The following PREX1 variants were observed in gnomAD, a reference collection of about 807,000 sequenced individuals.
PREX1 encodes phosphatidylinositol-3,4,5-trisphosphate dependent Rac exchange factor 1, also known as phosphatidylinositol 3,4,5-trisphosphate-dependent Rac exchanger 1 protein.
PREX1 carries 41 observed loss-of-function variants against 198.3 expected under a neutral mutation model. The ratio of observed to expected loss-of-function variants is 0.21; its 90% CI spans 0.16 to 0.27. The LOEUF (loss-of-function observed/expected upper bound fraction) is 0.27, where lower values mean the gene tolerates loss of function less well. PREX1 is among the 10% of genes least tolerant of loss of function. The probability of loss-of-function intolerance (pLI) is 1.00; values close to 1 mark genes in which losing one functional copy is unlikely to be tolerated. For missense variants in PREX1, 1,620 were observed against 2,200.7 expected, an observed-to-expected ratio of 0.74 and a Z score of 5.28; for synonymous variants, 843 against 887.2, an observed-to-expected ratio of 0.95 and a Z score of 0.89.
intron 37 of PREX1, 127 bp downstream of exon 37, chr20:48,629,322 G>C (rs926182873): frequency 1.2e-5 from 15 of 1,280,222 alleles, no homozygotes; most frequent in Non-Finnish European, 1.6e-5. Flanking sequence ...CAGAGCCAAG[G>C]CTCTACAGGC....
the PREX1 span, among the ~76,000 whole-genome samples, chr20:48,878,287 G>A: frequency 6.6e-6 from 1 of 152,082 alleles, no homozygotes; most frequent in African/African-American, 2.4e-5. Flanking sequence ...CATTTTCTTT[G>A]CTAATAAAAT....
At chr20:48,725,935 C>T (rs1324021104) in intron 5 of PREX1, among the ~76,000 whole-genome samples, 1 of 152,222 alleles carries the variant, frequency 6.6e-6, no homozygotes, top group Non-Finnish European at 1.5e-5. Context: ...AAGCGCATGA[C>T]TCAGGCCCAA....
the PREX1 span, among the ~76,000 whole-genome samples, chr20:48,887,668 C>T: frequency 5.3e-5 from 8 of 150,448 alleles, no homozygotes; most frequent in Non-Finnish European, 7.4e-5. Context: ...TGTTGTTTGC[C>T]GGGTGCGGTG....
At chr20:48,631,883 A>G (rs962720475) in intron 35 of PREX1, among the ~76,000 whole-genome samples, 2 of 152,024 alleles carry the variant, frequency 1.3e-5, no homozygotes, top group African/African-American at 4.8e-5. Context: ...AGACCCTGGG[A>G]GCCGCACCCC....
At chr20:48,787,555 T>C (rs1029220057) in intron 1 of PREX1, among the ~76,000 whole-genome samples, 97 of 150,954 alleles carry the variant, frequency 6.4e-4, no homozygotes, top group African/African-American at 2.3e-3. Context: ...GCTCCCCACA[T>C]TATGGATTTA....
Position 48,684,049 on chromosome 20 carries a change from T to A in PREX1, c.1335-2714A>T, listed in dbSNP as rs887193906. Among the ~76,000 whole-genome samples the A allele has an allele frequency of 3.3e-5, 5 of 152,044 alleles. No individual in the cohort carries two copies. Among genetic ancestry groups the A allele is most frequent in the African/African-American group, 4.8e-5 (2 of 41,382 alleles). On this transcript the variant is annotated intron_variant, in intron 10 of 39. Transcript: ENST00000371941. This position sits in a 1 kb window ranked among gnomAD's most constrained non-coding sequence, Gnocchi z 4.2. ...AGCTGGAGATACAAGGAGAAGGCAA[T>A]CTAGCTTGATGGGCAGTCTGAGAGT...
intron 1 of PREX1, among the ~76,000 whole-genome samples, chr20:48,773,266 CAAAAAA>C (rs55740822): frequency 1.1e-4 from 7 of 65,910 alleles, no homozygotes; most frequent in Non-Finnish European, 1.6e-4. Context: ...GACTTGGTCT[CAAAAAA>C]AAAAAAAAAA....
At chr20:48,709,175 G>T (rs1020844081) in intron 5 of PREX1, among the ~76,000 whole-genome samples, 1 of 152,162 alleles carries the variant, frequency 6.6e-6, no homozygotes, top group South Asian at 2.1e-4. Context: ...GAGATATCAA[G>T]GAAGATTTTT....
chr20:48,718,483 C>T (rs2089971946), intron 5 of PREX1, among the ~76,000 whole-genome samples: 1 of 151,850 alleles, frequency 6.6e-6, no homozygotes. Flanking sequence ...GACGCAAAAG[C>T]ATCAAAAAAA....
chr20:48,753,828 G>A (rs2090144953), intron 1 of PREX1, among the ~76,000 whole-genome samples: 1 of 152,110 alleles, frequency 6.6e-6, no homozygotes. Context: ...GCCACCCCTG[G>A]ACCCATATAA....
chr20:48,812,522 TA>T (rs1164598015), intron 1 of PREX1, among the ~76,000 whole-genome samples: 6 of 151,700 alleles, frequency 4.0e-5, no homozygotes, highest in Non-Finnish European at 7.4e-5. Flanking sequence ...AATGGGTAAA[TA>T]ATAATTTTAC....
intron 1 of PREX1, among the ~76,000 whole-genome samples, chr20:48,781,613 T>TA (rs1316666851): frequency 1.3e-5 from 2 of 151,864 alleles, no homozygotes; most frequent in Non-Finnish European, 2.9e-5. Flanking sequence ...CTCATCCCCC[T>TA]AATTTGTTTT....
At chr20:48,681,083 GGGCATCCAT>G in intron 11 of PREX1, 143 bp downstream of exon 11, 2 of 712,218 alleles carry the variant, frequency 2.8e-6, no homozygotes, top group Non-Finnish European at 4.8e-6. Flanking sequence ...AGTTTTACAA[GGGCATCCAT>G]GTTCCTGCGG....
At chr20:48,855,959 C>T in the PREX1 span, among the ~76,000 whole-genome samples, 2 of 152,088 alleles carry the variant, frequency 1.3e-5, no homozygotes, top group Non-Finnish European at 2.9e-5. Context: ...CAAAAAATGC[C>T]ATGAAGAAAA....
intron 33 of PREX1, among the ~76,000 whole-genome samples, chr20:48,633,521 A>T (rs1309458799): frequency 6.6e-6 from 1 of 152,226 alleles, no homozygotes; most frequent in African/African-American, 2.4e-5. Flanking sequence ...CTGGTTCCTA[A>T]TTAAACCCAC....
intron 1 of PREX1, among the ~76,000 whole-genome samples, chr20:48,777,314 G>A (rs562539767): frequency 4.6e-5 from 7 of 152,044 alleles, no homozygotes; most frequent in African/African-American, 1.2e-4. Context: ...AGGAGCCCCC[G>A]GCCACACACC....
intron 3 of PREX1, among the ~76,000 whole-genome samples, chr20:48,735,204 G>A (rs572604258): frequency 6.6e-6 from 1 of 152,302 alleles, no homozygotes; most frequent in South Asian, 2.1e-4. Context: ...TCTCAACTGA[G>A]CATTCTTGGT....
chr20:48,747,555 G>A (rs2090114454), intron 2 of PREX1, among the ~76,000 whole-genome samples: 1 of 152,210 alleles, frequency 6.6e-6, no homozygotes, highest in African/African-American at 2.4e-5. Flanking sequence ...GAGCACAGAG[G>A]GAAAGTCTCG....
In PREX1 at chr20:48,629,347, G is replaced by A; in HGVS notation, c.4766+102C>T. On this transcript the variant is annotated intron_variant, in intron 37 of 39. Transcript: ENST00000371941. ...GCTCTACAGGCAATGGCAGAACCAGGATTGGAACCCAGCCTTCCTGCCTCC... is the reference window on the plus strand; with the variant it reads ...GCTCTACAGGCAATGGCAGAACCAGAATTGGAACCCAGCCTTCCTGCCTCC... 1.0e-5 allele frequency: 15 copies of A among 1,448,090 alleles called. No homozygotes were observed. In the South Asian group the frequency reaches 1.9e-4, roughly 18 times the overall value. 89.7% of individuals were successfully genotyped at this position (1,448,090 alleles called of 1,614,324 possible).
Sources: gnomAD v4.1 joint callset for allele counts (sites outside exome capture counted in the v4.1 genomes callset) on GRCh38, gnomAD v4.1.1 for gene constraint, Gnocchi (gnomAD v3.1) non-coding constraint, MANE v1.5 for transcripts, NCBI Gene and HGNC (gene_info 2026-07-23, HGNC 2026-07-21) for gene names.